Variants in MYO18A observed in about 807,000 individuals in gnomAD.
MYO18A encodes myosin XVIIIA, also known as unconventional myosin-XVIIIa.
In MYO18A, 78 loss-of-function variants were observed where a neutral mutation model predicts 235.8. That is an observed-to-expected ratio of 0.33 (90% confidence interval 0.28 to 0.40). The LOEUF (loss-of-function observed/expected upper bound fraction) is 0.40, where lower values mean the gene tolerates loss of function less well. Among genes scored for constraint, MYO18A ranks in the 10% least tolerant of loss-of-function variants. The pLI is 1.00. For missense variants in MYO18A, 2,215 were observed against 2,699.3 expected (o/e 0.82, Z 3.98); for synonymous variants, 977 against 1,077.8 (o/e 0.91, Z 1.83).
Position 29,073,045 on chromosome 17 carries a change from G to A in MYO18A, c.*1725C>T, listed in dbSNP as rs2065902883. The A allele has an allele frequency of 6.6e-6, 1 of 151,956 alleles. No homozygotes were observed. The highest frequency in any genetic ancestry group is 1.5e-5 in the Non-Finnish European group (1 of 68,018). The allele number at this position is 151,956 out of a possible 1,614,324, so 9.4% of individuals were successfully genotyped here. A position where few individuals can be genotyped will look rare whatever the true frequency, so the allele number is the denominator to read the frequency against. ...GGCTAAAATTAAGCTTTTAAAAAAT[G>A]TTCTAATGAGAAGGGCTTGAATCCA... On this transcript the variant is annotated 3_prime_UTR_variant, in exon 42 of 42. Transcript: ENST00000527372.
rs142529911 is a variant in MYO18A at position 29,129,039 on chromosome 17, T to G, written c.1000-6786A>C. 365 of 1,289,202 alleles carry G rather than the reference T, an allele frequency of 2.8e-4. No homozygotes were observed. In the African/African-American group the frequency reaches 4.7e-3, roughly 17 times the overall value. 79.9% of individuals were successfully genotyped at this position (1,289,202 alleles called of 1,614,324 possible). A position where few individuals can be genotyped will look rare whatever the true frequency, so the allele number is the denominator to read the frequency against. On this transcript the variant is annotated intron_variant, in intron 2 of 41. Transcript: ENST00000527372. ...TCCTACCACCAATCCCAGGCCTAACTCCAGGGCGTCCTGACCTTTGTAGTC... is the reference window on the plus strand; with the variant it reads ...TCCTACCACCAATCCCAGGCCTAACGCCAGGGCGTCCTGACCTTTGTAGTC...
intron 2 of MYO18A, among the ~76,000 whole-genome samples, chr17:29,130,430 A>AT (rs2067438724): frequency 6.6e-6 from 1 of 151,744 alleles, no homozygotes; most frequent in Non-Finnish European, 1.5e-5. Flanking sequence ...GTTTTTGCAA[A>AT]AAAAATAAAA....
intron 2 of MYO18A, among the ~76,000 whole-genome samples, chr17:29,133,254 T>C (rs2067516617): frequency 6.6e-6 from 1 of 152,106 alleles, no homozygotes; most frequent in African/African-American, 2.4e-5. Context: ...CCCTCCCCCA[T>C]CAGAAGGGCT....
chr17:29,141,147 A>T (rs1211323774), intron 2 of MYO18A, among the ~76,000 whole-genome samples: 2 of 152,188 alleles, frequency 1.3e-5, no homozygotes, highest in Non-Finnish European at 2.9e-5. Flanking sequence ...ACAGGCAGAG[A>T]GGAGGGTGGG....
At position 29,120,023 on chromosome 17, in the gene MYO18A, G is replaced by A. The variant is rs1041578976; in HGVS notation, c.1729-588C>T. ...CCCAAGTAGCTGGGACCACAGGCGTGCACTACCACATCTGGCTCAATTAAG... is the reference window on the plus strand; with the variant it reads ...CCCAAGTAGCTGGGACCACAGGCGTACACTACCACATCTGGCTCAATTAAG... On this transcript the variant is annotated intron_variant, in intron 7 of 41. Coordinates refer to ENST00000527372, the MANE Select transcript of MYO18A (RefSeq NM_078471.4). The surrounding 1 kb of genome is among the most constrained non-coding windows in gnomAD (Gnocchi z 4.2). Among the ~76,000 whole-genome samples the A allele has an allele frequency of 6.6e-6, 1 of 152,168 alleles. No individual in the cohort carries two copies.
rs373760703 is a variant in MYO18A, at chr17:29,074,170, C to A, written c.*600G>T. On this transcript the variant is annotated 3_prime_UTR_variant, in exon 42 of 42. Transcript: ENST00000527372. The surrounding 1 kb of genome is among the most constrained non-coding windows in gnomAD (Gnocchi z 4.4). ...CTCCAGCTGCACAGAGAAAGGACTG[C>A]TCTCTGAAGGGTGAAGATGGAGATG... is the stretch of plus-strand genomic sequence containing the variant. 1 of 1,611,032 alleles carries A rather than the reference C, an allele frequency of 6.2e-7. No individual in the cohort carries two copies. Among genetic ancestry groups the A allele is most frequent in the South Asian group, 1.1e-5 (1 of 90,654 alleles).
chr17:29,130,476 A>T (rs2874356), intron 2 of MYO18A, among the ~76,000 whole-genome samples: 815 of 10,994 alleles, frequency 0.074, 22 homozygotes, highest in East Asian at 0.29. Flanking sequence ...GGCCTCTCCC[A>T]CACACACACA....
In MYO18A at chr17:29,114,945, C is replaced by T. The variant is rs535705193; in HGVS notation, c.2473G>A (p.Glu825Lys). ...TQDRLQRLFH[E>K]RTFVQELERY... ...TCCAACTCCTGCACGAAGGTGCGCTCGTGGAAGAGCCTCTGCAGCCGGTCT... is the reference window on the plus strand; with the variant it reads ...TCCAACTCCTGCACGAAGGTGCGCTTGTGGAAGAGCCTCTGCAGCCGGTCT... The change falls in exon 14 of 42, where the codon GAG (glutamate) becomes AAG (lysine). Residue 825 changes from glutamate to lysine, a missense_variant. Glu to Lys is a moderately conservative substitution (Grantham distance 56). Coordinates refer to ENST00000527372, the MANE Select transcript of MYO18A (RefSeq NM_078471.4). The T allele has an allele frequency of 6.2e-6, 10 of 1,613,960 alleles. No individual in the cohort carries two copies. The highest frequency in any genetic ancestry group is 2.2e-5 in the East Asian group (1 of 44,884).
chr17:29,096,175 A>C (rs1485895913), intron 28 of MYO18A, among the ~76,000 whole-genome samples: 2 of 152,146 alleles, frequency 1.3e-5, no homozygotes, highest in Non-Finnish European at 2.9e-5. Flanking sequence ...TCCCCTGCAG[A>C]GGAGAAATGG....
chr17:29,124,183 T>C lies in MYO18A; in HGVS notation c.1000-1930A>G, dbSNP rs147936468. On this transcript the variant is annotated intron_variant, in intron 2 of 41. Coordinates refer to ENST00000527372, the MANE Select transcript of MYO18A (RefSeq NM_078471.4). ...GGGACTGATGAATAAGGTGACATCA[T>C]AGCCTGTAACTAACTCCCTTAAAGC... Among the ~76,000 whole-genome samples, 845 of 152,334 alleles carry C rather than the reference T, an allele frequency of 5.5e-3. 7 individuals are homozygous for C. The highest frequency in any genetic ancestry group is 8.9e-3 in the Non-Finnish European group (607 of 68,020).
chr17:29,073,779 A>C lies in MYO18A; in HGVS notation c.*991T>G. The stretch of plus-strand genomic sequence containing the variant: ...GTTGGAAGAATGACACGGGCTCAGG[A>C]CACAGAGTGAGGACTCATGTCTAAT... On this transcript the variant is annotated 3_prime_UTR_variant, in exon 42 of 42. Coordinates refer to ENST00000527372, the MANE Select transcript of MYO18A (RefSeq NM_078471.4). 2.1e-6 allele frequency: 3 copies of C among 1,432,360 alleles called. No individual in the cohort carries two copies. Among genetic ancestry groups the C allele is most frequent in the Non-Finnish European group, 2.9e-6 (3 of 1,043,876 alleles). 88.7% of individuals were successfully genotyped at this position (1,432,360 alleles called of 1,614,324 possible). A position where few individuals can be genotyped will look rare whatever the true frequency, so the allele number is the denominator to read the frequency against.
In MYO18A at chr17:29,121,223, G is replaced by A; in HGVS notation, c.1372-12C>T. On this transcript the variant is annotated splice_polypyrimidine_tract_variant and intron_variant, in intron 5 of 41. Transcript: ENST00000527372. The surrounding 1 kb of genome is among the most constrained non-coding windows in gnomAD (Gnocchi z 4.2). Reference sequence around the variant, plus strand: ...AACATGTGCATCACCTTGGGCAGGAGAGCAAGGGAGAGAAGGGGTTGGCTC... The same window carrying A: ...AACATGTGCATCACCTTGGGCAGGAAAGCAAGGGAGAGAAGGGGTTGGCTC... The A allele has an allele frequency of 6.3e-7, 1 of 1,592,004 alleles. No individual in the cohort carries two copies. The highest frequency in any genetic ancestry group is 1.1e-5 in the South Asian group (1 of 87,452).
chr17:29,159,226 C>T (rs1056056754), intron 2 of MYO18A, among the ~76,000 whole-genome samples: 1 of 152,126 alleles, frequency 6.6e-6, no homozygotes, highest in South Asian at 2.1e-4. Context: ...TCCACTGCTT[C>T]GCCCTGACAG....
rs1318072159 is a variant in MYO18A, at chr17:29,118,313, C to T, written c.1893+64G>A. On this transcript the variant is annotated intron_variant, in intron 9 of 41. Coordinates refer to ENST00000527372, the MANE Select transcript of MYO18A (RefSeq NM_078471.4). This position sits in a 1 kb window ranked among gnomAD's most constrained non-coding sequence, Gnocchi z 4.2. ...TGGGCTCCCACTATTCCCACAGGAC[C>T]CATGGAGGCTTCTCCTACCCCCAAG... 9.6e-6 allele frequency: 15 copies of T among 1,568,576 alleles called. 1 individual carries two copies. The highest frequency in any genetic ancestry group is 3.4e-4 in the Middle Eastern group (2 of 5,932).
intron 2 of MYO18A, chr17:29,131,292 A>AACACACACACGC (rs1278644465): frequency 2.7e-6 from 2 of 751,348 alleles, no homozygotes; most frequent in Admixed American, 6.3e-5. Flanking sequence ...TGCAGGGGCA[A>AACACACACACGC]ACACACACAC....
chr17:29,149,530 G>T (rs566670089), intron 2 of MYO18A, among the ~76,000 whole-genome samples: 1 of 152,306 alleles, frequency 6.6e-6, no homozygotes, highest in South Asian at 2.1e-4. Context: ...CCATCAGTTT[G>T]CTCAGAGCCA....
rs779883357 is a variant in MYO18A, at chr17:29,115,362, G to A, written c.2307C>T (p.Ser769=). The change falls in exon 13 of 42, where the codon TCC becomes TCT. Residue 769 remains serine, a synonymous_variant. Transcript: ENST00000527372. ...TGCCTGGCACTCACCTATTCACCAG[G>A]GAGACGAGAAGGGTGAAGAGCTCGC... ...LYSELFTLLV[S]LVNRALKSSQ... 3.0e-5 allele frequency: 48 copies of A among 1,613,882 alleles called. No homozygotes were observed. The highest frequency in any genetic ancestry group is 1.1e-5 in the South Asian group (1 of 91,090).
chr17:29,135,386 G>A (rs1199183573), intron 2 of MYO18A, among the ~76,000 whole-genome samples: 2 of 152,224 alleles, frequency 1.3e-5, no homozygotes, highest in East Asian at 3.8e-4. Context: ...ACAGAGGTGA[G>A]CCACCGCGCC....
At position 29,080,430 on chromosome 17, in the gene MYO18A, C is replaced by T. The variant is rs574237169; in HGVS notation, c.6020+1886G>A. On this transcript the variant is annotated intron_variant, in intron 41 of 41. Coordinates refer to ENST00000527372, the MANE Select transcript of MYO18A (RefSeq NM_078471.4). The stretch of plus-strand genomic sequence containing the variant: ...ACTGCGAGCAGGCCTCGCTCAGGGC[C>T]ATACTGGCTCCATCATCCCACTCCT... 1.7e-3 allele frequency: 1,636 copies of T among 985,944 alleles called. 1 individual carries two copies. The highest frequency in any genetic ancestry group is 1.8e-3 in the Non-Finnish European group (1,521 of 830,018). 61.1% of individuals were successfully genotyped at this position (985,944 alleles called of 1,614,324 possible).
Sources: gnomAD v4.1 joint callset for allele counts (sites outside exome capture counted in the v4.1 genomes callset) on GRCh38, gnomAD v4.1.1 for gene constraint, Gnocchi (gnomAD v3.1) non-coding constraint, MANE v1.5 for transcripts, NCBI Gene and HGNC (gene_info 2026-07-23, HGNC 2026-07-21) for gene names.